AKAP6: variants seen among roughly 807,000 people sequenced by gnomAD.
AKAP6 encodes the protein A-kinase anchor protein 6.
AKAP6 carries 58 observed loss-of-function variants against 188.5 expected under a neutral mutation model. That is an observed-to-expected ratio of 0.31 (90% confidence interval 0.25 to 0.38). The LOEUF is 0.38. AKAP6 is among the 10% of genes least tolerant of loss of function. The pLI is 1.00. For synonymous variants in AKAP6, 989 were observed against 998.6 expected (o/e 0.99, Z 0.18); for missense variants, 2,710 against 2,740.0 (o/e 0.99, Z 0.24).
At chr14:32,554,254 C>T (rs1462069622) in intron 4 of AKAP6, among the ~76,000 whole-genome samples, 2 of 152,126 alleles carry the variant, frequency 1.3e-5, no homozygotes, top group Non-Finnish European at 2.9e-5. Context: ...ACCATGTGGC[C>T]TAAAAAGATT....
At chr14:32,466,922 A>C (rs957495421) in intron 2 of AKAP6, among the ~76,000 whole-genome samples, 3 of 148,998 alleles carry the variant, frequency 2.0e-5, no homozygotes, top group African/African-American at 7.5e-5. Flanking sequence ...AAATATATAC[A>C]TATATTGGAC....
At chr14:32,417,657 G>C (rs554522434) in intron 1 of AKAP6, among the ~76,000 whole-genome samples, 1 of 152,138 alleles carries the variant, frequency 6.6e-6, no homozygotes, top group African/African-American at 2.4e-5. Flanking sequence ...TGTAAAAACT[G>C]TCAGGCCGAT....
At chr14:32,728,763 A>G (rs2031019418) in intron 9 of AKAP6, among the ~76,000 whole-genome samples, 1 of 152,134 alleles carries the variant, frequency 6.6e-6, no homozygotes, top group South Asian at 2.1e-4. Flanking sequence ...CTTACAATGG[A>G]TGTCTTAATC....
At chr14:32,626,385 A>C (rs1373423582) in intron 7 of AKAP6, among the ~76,000 whole-genome samples, 1 of 151,524 alleles carries the variant, frequency 6.6e-6, no homozygotes, top group Non-Finnish European at 1.5e-5. Flanking sequence ...TATACTAATC[A>C]CTCTACCTTC....
chr14:32,520,502 TG>T (rs1881770155), intron 2 of AKAP6, among the ~76,000 whole-genome samples: 1 of 152,050 alleles, frequency 6.6e-6, no homozygotes, highest in Admixed American at 6.5e-5. Flanking sequence ...CAATAAAAAA[TG>T]ATAAAGGGGA....
At chr14:32,517,983 C>T (rs1881610015) in intron 2 of AKAP6, among the ~76,000 whole-genome samples, 1 of 152,178 alleles carries the variant, frequency 6.6e-6, no homozygotes, top group Non-Finnish European at 1.5e-5. Flanking sequence ...CTGGGTGCCC[C>T]TCTGAGACGA....
At chr14:32,558,928 G>A (rs879912549) in intron 4 of AKAP6, among the ~76,000 whole-genome samples, 5 of 152,178 alleles carry the variant, frequency 3.3e-5, no homozygotes, top group East Asian at 1.9e-4. Context: ...CCTCAAAGGC[G>A]TTTTGGAAAT....
At chr14:32,362,468 G>A (rs574265176) in intron 1 of AKAP6, among the ~76,000 whole-genome samples, 2 of 152,268 alleles carry the variant, frequency 1.3e-5, no homozygotes, top group East Asian at 3.9e-4. Context: ...GGCAACATTT[G>A]AGCTGGACTC....
At chr14:32,599,565 G>A (rs959714957) in intron 6 of AKAP6, 59 bp downstream of exon 6, 36 of 1,365,808 alleles carry the variant, frequency 2.6e-5, no homozygotes, top group Non-Finnish European at 3.1e-5. Context: ...GAATGAAGAA[G>A]CATTGCTGTA....
At chr14:32,785,887 G>A (rs1200465808) in intron 12 of AKAP6, among the ~76,000 whole-genome samples, 1 of 152,048 alleles carries the variant, frequency 6.6e-6, no homozygotes, top group African/African-American at 2.4e-5. Context: ...TCAGAAATAT[G>A]AGAATGTGAT....
At chr14:32,760,734 C>T (rs1486449098) in intron 11 of AKAP6, among the ~76,000 whole-genome samples, 1 of 152,120 alleles carries the variant, frequency 6.6e-6, no homozygotes, top group East Asian at 1.9e-4. Context: ...TTGAAAAATT[C>T]TCCTAGATCT....
chr14:32,431,253 G>C (rs1890214221), intron 1 of AKAP6, among the ~76,000 whole-genome samples: 1 of 152,020 alleles, frequency 6.6e-6, no homozygotes, highest in Non-Finnish European at 1.5e-5. Context: ...TAATAGCTGG[G>C]TCTAGTATTA....
At chr14:32,542,713 C>T (rs562544620) in intron 3 of AKAP6, among the ~76,000 whole-genome samples, 2 of 152,274 alleles carry the variant, frequency 1.3e-5, no homozygotes, top group South Asian at 4.1e-4. Flanking sequence ...AAGCAGGATA[C>T]TGTGGCCGCG....
intron 2 of AKAP6, among the ~76,000 whole-genome samples, chr14:32,527,090 A>G (rs1039772205): frequency 2.6e-5 from 4 of 152,224 alleles, no homozygotes; most frequent in Non-Finnish European, 4.4e-5. Flanking sequence ...TTTCACTGCC[A>G]TAAACATCCT....
intron 2 of AKAP6, among the ~76,000 whole-genome samples, chr14:32,434,727 C>T (rs900671389): frequency 2.6e-5 from 4 of 152,212 alleles, no homozygotes; most frequent in African/African-American, 9.6e-5. Flanking sequence ...AAATGGTTTA[C>T]AGGATGCAGC....
chr14:32,564,378 C>T (rs972986612), intron 4 of AKAP6, among the ~76,000 whole-genome samples: 1 of 152,042 alleles, frequency 6.6e-6, no homozygotes, highest in African/African-American at 2.4e-5. Context: ...AGATTCATTA[C>T]AGTATATTAA....
chr14:32,636,303 T>A (rs2139472304), intron 7 of AKAP6, among the ~76,000 whole-genome samples: 1 of 152,284 alleles, frequency 6.6e-6, no homozygotes, highest in Middle Eastern at 3.4e-3. Context: ...TCATTAGGAA[T>A]GTTAACTTAT....
At chr14:32,625,487 G>A (rs1207051507) in intron 7 of AKAP6, among the ~76,000 whole-genome samples, 1 of 151,970 alleles carries the variant, frequency 6.6e-6, no homozygotes, top group Non-Finnish European at 1.5e-5. Context: ...ATATGTTCAT[G>A]TTGTTTTTGT....
intron 1 of AKAP6, among the ~76,000 whole-genome samples, chr14:32,366,692 CTGTGTGTGTGTGTCTG>C (rs1034770248): frequency 2.4e-4 from 36 of 151,656 alleles, no homozygotes; most frequent in African/African-American, 8.5e-4. Context: ...TGAAAATGCT[CTGTGTGTGTGTGTCTG>C]TGTGTGTGTG....
Sources: allele counts gnomAD v4.1 joint callset (sites outside exome capture counted in the v4.1 genomes callset), GRCh38; gene constraint gnomAD v4.1.1; transcripts MANE v1.5; gene names NCBI Gene and HGNC (gene_info 2026-07-23, HGNC 2026-07-21).